The following TAOK1 variants were observed in gnomAD, a reference collection of about 807,000 sequenced individuals.
TAOK1 encodes the protein TAO kinase 1.
In TAOK1, 21 loss-of-function variants were observed where a neutral mutation model predicts 138.3. The ratio of observed to expected loss-of-function variants is 0.15; its 90% CI spans 0.11 to 0.22. TAOK1 has a LOEUF of 0.22. Among genes scored for constraint, TAOK1 ranks in the 10% least tolerant of loss-of-function variants. The probability of loss-of-function intolerance (pLI) is 1.00; values close to 1 mark genes in which losing one functional copy is unlikely to be tolerated. For missense variants in TAOK1, 651 were observed against 1,227.7 expected (o/e 0.53, Z 7.02); for synonymous variants, 361 against 398.4 (o/e 0.91, Z 1.12).
At chr17:29,525,929 G>A (rs1263911368) in intron 17 of TAOK1, among the ~76,000 whole-genome samples, 4 of 152,150 alleles carry the variant, frequency 2.6e-5, no homozygotes, top group African/African-American at 7.2e-5. Context: ...CCCAGGAGGC[G>A]GAGGTTGCAG....
chr17:29,541,399 C>T (rs73278649), intron 19 of TAOK1, among the ~76,000 whole-genome samples: 26,261 of 151,740 alleles, frequency 0.17, 2,323 homozygotes, highest in Admixed American at 0.22. Context: ...CGTGATCCAC[C>T]GCGCCCGGCC....
chr17:29,524,695 CTCT>C (rs2031978439), intron 17 of TAOK1, among the ~76,000 whole-genome samples: 1 of 152,170 alleles, frequency 6.6e-6, no homozygotes, highest in African/African-American at 2.4e-5. Flanking sequence ...TAATCGTTGC[CTCT>C]TTCAATTTTC....
intron 8 of TAOK1, among the ~76,000 whole-genome samples, chr17:29,482,694 C>T (rs1023724561): frequency 6.6e-6 from 1 of 151,396 alleles, no homozygotes; most frequent in Non-Finnish European, 1.5e-5. Context: ...GTCAGACTGT[C>T]ATACCTACAT....
At chr17:29,398,345 A>C (rs1050419787) in intron 1 of TAOK1, among the ~76,000 whole-genome samples, 2 of 147,652 alleles carry the variant, frequency 1.4e-5, no homozygotes, top group Admixed American at 6.8e-5. Context: ...AGCTGGGATT[A>C]CAGGTATGCG....
rs1362051630 is a variant in TAOK1, at chr17:29,495,574, T to A, written c.846T>A (p.Leu282=). 8 of 1,600,102 alleles carry A rather than the reference T, an allele frequency of 5.0e-6. No individual in the cohort carries two copies. The highest frequency in any genetic ancestry group is 3.4e-5 in the Admixed American group (2 of 58,972). ...SEELLKHIFV[L]RERPETVLID... is the part of the protein sequence containing the mutation. ...ACCCTATCTAGCACATATTTGTTCTTCGGGAGCGCCCTGAAACCGTGTTAA... is the reference window on the plus strand; with the variant it reads ...ACCCTATCTAGCACATATTTGTTCTACGGGAGCGCCCTGAAACCGTGTTAA... The change falls in exon 11 of 20, where the codon CTT becomes CTA. Residue 282 remains leucine, a synonymous_variant. Transcript: ENST00000261716.
chr17:29,492,847 T>C (rs1001391586), intron 10 of TAOK1, among the ~76,000 whole-genome samples: 2 of 146,350 alleles, frequency 1.4e-5, no homozygotes, highest in African/African-American at 2.5e-5. Context: ...TGAAACAATA[T>C]GGTAAATAGT....
chr17:29,486,316 G>A (rs918023023), intron 8 of TAOK1, among the ~76,000 whole-genome samples: 5 of 152,012 alleles, frequency 3.3e-5, no homozygotes, highest in East Asian at 1.9e-4. Flanking sequence ...TTTAGTAGTA[G>A]CTTATAAAAA....
intron 12 of TAOK1, among the ~76,000 whole-genome samples, chr17:29,502,112 A>G (rs1338330686): frequency 6.6e-6 from 1 of 152,120 alleles, no homozygotes; most frequent in Non-Finnish European, 1.5e-5. Context: ...ACTATTTTAT[A>G]CCCTGTACAA....
At chr17:29,416,403 T>A (rs75130792) in intron 1 of TAOK1, among the ~76,000 whole-genome samples, 1 of 152,086 alleles carries the variant, frequency 6.6e-6, no homozygotes, top group East Asian at 1.9e-4. Flanking sequence ...CCTGGAAGAT[T>A]CACAGTACCC....
rs1159597096 is a variant in TAOK1 at position 29,451,545 on chromosome 17, C to G, written c.-4C>G. Reference sequence around the variant, plus strand: ...AGAATCAAGACAGCTGACTGCTCAGCAGGATGCCATCAACTAACAGAGCAG... The same window carrying G: ...AGAATCAAGACAGCTGACTGCTCAGGAGGATGCCATCAACTAACAGAGCAG... On this transcript the variant is annotated 5_prime_UTR_variant, in exon 2 of 20. Transcript: ENST00000261716. 1 of 1,608,848 alleles carries G rather than the reference C, an allele frequency of 6.2e-7. No homozygotes were observed. Among genetic ancestry groups the G allele is most frequent in the Non-Finnish European group, 8.5e-7 (1 of 1,177,902 alleles).
At chr17:29,409,479 C>T (rs1233005316) in intron 1 of TAOK1, among the ~76,000 whole-genome samples, 5 of 151,292 alleles carry the variant, frequency 3.3e-5, no homozygotes, top group African/African-American at 4.9e-5. Flanking sequence ...GGACTACAGG[C>T]GTCCGCACCA....
At chr17:29,442,302 T>C (rs2029963325) in intron 1 of TAOK1, among the ~76,000 whole-genome samples, 1 of 151,914 alleles carries the variant, frequency 6.6e-6, no homozygotes, top group Non-Finnish European at 1.5e-5. Context: ...CACCTAGGCC[T>C]CCCAAAGTGC....
intron 10 of TAOK1, among the ~76,000 whole-genome samples, chr17:29,492,263 G>T (rs1452872175): frequency 6.6e-6 from 1 of 152,154 alleles, no homozygotes; most frequent in Non-Finnish European, 1.5e-5. Flanking sequence ...TTAGGATTAA[G>T]TATACTCTAC....
chr17:29,467,134 T>C lies in TAOK1; in HGVS notation c.133-11T>C. 1.9e-6 allele frequency: 3 copies of C among 1,573,698 alleles called. No homozygotes were observed. The highest frequency in any genetic ancestry group is 2.4e-5 in the South Asian group (2 of 82,940). On this transcript the variant is annotated splice_polypyrimidine_tract_variant and intron_variant, in intron 2 of 19. Coordinates refer to ENST00000261716, the MANE Select transcript of TAOK1 (RefSeq NM_020791.4). Reference sequence around the variant, plus strand: ...ATTTTTACAGTGCTTCTTTCTTTCTTTCTTCTTTAGGCACGAGATGTGCGT... The same window carrying C: ...ATTTTTACAGTGCTTCTTTCTTTCTCTCTTCTTTAGGCACGAGATGTGCGT...
chr17:29,399,728 T>C (rs1449333383), intron 1 of TAOK1, among the ~76,000 whole-genome samples: 1 of 152,100 alleles, frequency 6.6e-6, no homozygotes, highest in Non-Finnish European at 1.5e-5. Context: ...TAGTACTTAA[T>C]GGGAGTTTTT....
intron 1 of TAOK1, among the ~76,000 whole-genome samples, chr17:29,395,346 C>T (rs1177680298): frequency 2.0e-5 from 3 of 152,010 alleles, no homozygotes; most frequent in Non-Finnish European, 4.4e-5. Context: ...GCCTGGCCAA[C>T]AAAGAGAGAC....
In TAOK1 at chr17:29,522,492, A is replaced by G. The variant is rs749800190; in HGVS notation, c.2121A>G (p.Glu707=). ...ERELRRKHVM[E]VRQQPKSLKS... is the part of the protein sequence containing the mutation. The stretch of plus-strand genomic sequence containing the variant: ...AACTAAGACGAAAGCATGTCATGGA[A>G]GTTCGACAACAGCCTAAGAGTTTGA... Residue 707 remains glutamate (E), a synonymous_variant, in exon 17 of 20, where the codon GAA becomes GAG. Coordinates refer to ENST00000261716, the MANE Select transcript of TAOK1 (RefSeq NM_020791.4). 1 of 1,614,228 alleles carries G rather than the reference A, an allele frequency of 6.2e-7. No individual in the cohort carries two copies. The highest frequency in any genetic ancestry group is 8.5e-7 in the Non-Finnish European group (1 of 1,180,038).
At chr17:29,406,435 T>C (rs1567709340) in intron 1 of TAOK1, among the ~76,000 whole-genome samples, 3 of 152,166 alleles carry the variant, frequency 2.0e-5, no homozygotes, top group Non-Finnish European at 4.4e-5. Context: ...GGGTGATTAC[T>C]GATCATATGT....
chr17:29,479,057 G>A lies in TAOK1; in HGVS notation c.449+710G>A, dbSNP rs149265795. ...AGAGAATCACTTGAGCCCGGGAGGCGGAGTTTGCAGTGAGCTGAGATTGTG... is the reference window on the plus strand; with the variant it reads ...AGAGAATCACTTGAGCCCGGGAGGCAGAGTTTGCAGTGAGCTGAGATTGTG... On this transcript the variant is annotated intron_variant, in intron 6 of 19. Transcript: ENST00000261716. Among the ~76,000 whole-genome samples the A allele has an allele frequency of 4.5e-3, 681 of 151,988 alleles. 6 individuals carry two copies. The highest frequency in any genetic ancestry group is 0.016 in the African/African-American group (662 of 41,450).
Sources: allele counts gnomAD v4.1 joint callset (sites outside exome capture counted in the v4.1 genomes callset), GRCh38; gene constraint gnomAD v4.1.1; transcripts MANE v1.5; gene names NCBI Gene and HGNC (gene_info 2026-07-23, HGNC 2026-07-21).